The following PACS2 variants were observed in gnomAD, a reference collection of about 807,000 sequenced individuals.
PACS2 encodes phosphofurin acidic cluster sorting protein 2.
In PACS2, 36 loss-of-function variants were observed where a neutral mutation model predicts 113.0. The ratio of observed to expected loss-of-function variants is 0.32; its 90% CI spans 0.24 to 0.42. PACS2 has a LOEUF of 0.42. PACS2 is among the 10% of genes least tolerant of loss of function. PACS2 has a pLI of 1.00. For synonymous variants in PACS2, 589 were observed against 536.1 expected, an observed-to-expected ratio of 1.10 and a Z score of -1.36; for missense variants, 1,015 against 1,239.5, an observed-to-expected ratio of 0.82 and a Z score of 2.72.
chr14:105,385,867 C>T (rs1257537230), intron 19 of PACS2, 150 bp downstream of exon 19: 11 of 494,904 alleles, frequency 2.2e-5, no homozygotes, highest in Admixed American at 3.7e-5. Context: ...GCTGAGAGCC[C>T]GCACGGGAGA....
intron 1 of PACS2, among the ~76,000 whole-genome samples, chr14:105,326,206 C>T (rs1208916336): frequency 6.6e-6 from 1 of 152,206 alleles, no homozygotes; most frequent in Non-Finnish European, 1.5e-5. Context: ...GTCCTGGATA[C>T]AGGTGGGGCG....
intron 21 of PACS2, 138 bp downstream of exon 21, chr14:105,391,387 G>C: frequency 1.4e-6 from 1 of 716,090 alleles, no homozygotes; most frequent in Non-Finnish European, 2.4e-6. Context: ...TGGTGCTTCT[G>C]TCCTGCGGGG....
chr14:105,313,391 G>A (rs1271447588), upstream of PACS2, among the ~76,000 whole-genome samples: 1 of 152,192 alleles, frequency 6.6e-6, no homozygotes, highest in African/African-American at 2.4e-5. Context: ...TCTGCCCGCC[G>A]AGCAGCTGGC....
rs889859500 is a variant in PACS2 at position 105,330,474 on chromosome 14, C to T, written c.119+15437C>T. 6.6e-6 allele frequency among the ~76,000 whole-genome samples: 1 copy of T among 152,180 alleles called. No individual in the cohort carries two copies. Among genetic ancestry groups the T allele is most frequent in the African/African-American group, 2.4e-5 (1 of 41,450 alleles). ...GTCACACAGGGGAAGGTTACTGTGC[C>T]GCAGAGTTTTCTTTCCGAGCACTCA... On this transcript the variant is annotated intron_variant, in intron 1 of 24. Coordinates refer to ENST00000447393, the MANE Select transcript of PACS2 (RefSeq NM_001100913.3). The surrounding 1 kb of genome is among the most constrained non-coding windows in gnomAD (Gnocchi z 6.9).
intron 1 of PACS2, among the ~76,000 whole-genome samples, chr14:105,333,186 T>A (rs1566911030): frequency 6.6e-6 from 1 of 152,196 alleles, no homozygotes; most frequent in Admixed American, 6.5e-5. Flanking sequence ...CCCTGTTCCC[T>A]ACCAGTCCCC....
intron 1 of PACS2, among the ~76,000 whole-genome samples, chr14:105,337,317 G>A (rs1555400744): frequency 6.6e-6 from 1 of 152,220 alleles, no homozygotes; most frequent in Non-Finnish European, 1.5e-5. Flanking sequence ...TGAATGGGTA[G>A]TTTCAGTTGC....
intron 4 of PACS2, among the ~76,000 whole-genome samples, chr14:105,360,542 CAA>C (rs60526490): frequency 3.6e-4 from 37 of 101,860 alleles, no homozygotes; most frequent in Middle Eastern, 5.6e-3. Context: ...GACTTCCTCT[CAA>C]AAAAAAAAAA....
At chr14:105,361,644 A>G (rs1385736297) in intron 4 of PACS2, among the ~76,000 whole-genome samples, 1 of 151,474 alleles carries the variant, frequency 6.6e-6, no homozygotes. Flanking sequence ...TCTCAAAACA[A>G]ACAAACAAAC....
At chr14:105,310,341 T>C (rs1344295452), upstream of PACS2, among the ~76,000 whole-genome samples, 1 of 151,142 alleles carries the variant, frequency 6.6e-6, no homozygotes, top group Non-Finnish European at 1.5e-5. Context: ...CCATCCTGGC[T>C]AACACGGTGA....
chr14:105,349,204 C>T (rs1268502544), intron 2 of PACS2, among the ~76,000 whole-genome samples: 1 of 152,274 alleles, frequency 6.6e-6, no homozygotes, highest in African/African-American at 2.4e-5. Context: ...TCCCCGCCAA[C>T]TGTCAGGGCC....
intron 1 of PACS2, among the ~76,000 whole-genome samples, chr14:105,346,111 A>G (rs1458804106): frequency 6.6e-6 from 1 of 152,200 alleles, no homozygotes; most frequent in Non-Finnish European, 1.5e-5. Context: ...AAGGACTCTG[A>G]CAGAGATGTC....
At chr14:105,387,181 T>C (rs1566967545) in intron 19 of PACS2, among the ~76,000 whole-genome samples, 1 of 151,982 alleles carries the variant, frequency 6.6e-6, no homozygotes, top group African/African-American at 2.4e-5. Flanking sequence ...CAGAGGAGGG[T>C]CAGTCGGGAG....
rs181446749 is a variant in PACS2 at position 105,366,869 on chromosome 14, C to T, written c.424-344C>T. ...CAGTCGTGCCTGAGATCAGGAGGGC[C>T]GCGGACACCCCTGTCTGTCCATCTC... On this transcript the variant is annotated intron_variant, in intron 4 of 24. Coordinates refer to ENST00000447393, the MANE Select transcript of PACS2 (RefSeq NM_001100913.3). This position sits in a 1 kb window ranked among gnomAD's most constrained non-coding sequence, Gnocchi z 4.3. 1.8e-4 allele frequency among the ~76,000 whole-genome samples: 27 copies of T among 152,264 alleles called. No homozygotes were observed. Among genetic ancestry groups the T allele is most frequent in the Admixed American group, 2.6e-4 (4 of 15,282 alleles).
Position 105,376,681 on chromosome 14 carries a change from C to A in PACS2, c.802-87C>A. 7.5e-7 allele frequency: 1 copy of A among 1,327,392 alleles called. No individual in the cohort carries two copies. Among genetic ancestry groups the A allele is most frequent in the Non-Finnish European group, 1.1e-6 (1 of 952,356 alleles). 82.2% of individuals were successfully genotyped at this position (1,327,392 alleles called of 1,614,324 possible). On this transcript the variant is annotated intron_variant, in intron 8 of 24. Coordinates refer to ENST00000447393, the MANE Select transcript of PACS2 (RefSeq NM_001100913.3). The surrounding 1 kb of genome is among the most constrained non-coding windows in gnomAD (Gnocchi z 4.7). ...GTGGCTGGGTGCCCGCCTCCTATTG[C>A]TCCTGCAGACTCTGGGGTCTCGGGC...
intron 1 of PACS2, among the ~76,000 whole-genome samples, chr14:105,327,873 T>C (rs890205063): frequency 2.6e-5 from 4 of 151,444 alleles, no homozygotes; most frequent in African/African-American, 7.3e-5. Context: ...GATGGACCAT[T>C]GACAGCCGAG....
intron 1 of PACS2, among the ~76,000 whole-genome samples, chr14:105,343,729 T>C (rs2059819340): frequency 1.3e-5 from 2 of 151,394 alleles, no homozygotes; most frequent in South Asian, 4.2e-4. Flanking sequence ...GGAGTCTTGC[T>C]CTGTCACCCA....
At chr14:105,305,184 T>G (rs980495758) in intron 1 of PACS2, among the ~76,000 whole-genome samples, 5 of 152,258 alleles carry the variant, frequency 3.3e-5, no homozygotes, top group South Asian at 2.1e-4. Flanking sequence ...GAGGATTGCT[T>G]GAGTCCAGGA....
At chr14:105,321,940 TCTGA>T (rs1366385034) in intron 1 of PACS2, among the ~76,000 whole-genome samples, 1 of 152,036 alleles carries the variant, frequency 6.6e-6, no homozygotes, top group Non-Finnish European at 1.5e-5. Context: ...TCTGACCTTT[TCTGA>T]CTTTTTTTTT....
rs1174977481 is a variant in PACS2, at chr14:105,355,445, C to T, written c.423+268C>T. Among the ~76,000 whole-genome samples, 1 of 152,258 alleles carries T rather than the reference C, an allele frequency of 6.6e-6. No homozygotes were observed. Among genetic ancestry groups the T allele is most frequent in the Non-Finnish European group, 1.5e-5 (1 of 68,050 alleles). On this transcript the variant is annotated intron_variant, in intron 4 of 24. Coordinates refer to ENST00000447393, the MANE Select transcript of PACS2 (RefSeq NM_001100913.3). The surrounding 1 kb of genome is among the most constrained non-coding windows in gnomAD (Gnocchi z 4.1). ...TCCCCTCTAACGAGCCTGTCCTGCC[C>T]TTCAGTGGAGGCTGGGTTTTGGGTC...
Sources: gnomAD v4.1 joint callset for allele counts (sites outside exome capture counted in the v4.1 genomes callset) on GRCh38, gnomAD v4.1.1 for gene constraint, Gnocchi (gnomAD v3.1) non-coding constraint, MANE v1.5 for transcripts, NCBI Gene and HGNC (gene_info 2026-07-23, HGNC 2026-07-21) for gene names.